Variants in FGGY observed in about 807,000 individuals in gnomAD.
FGGY encodes the protein FGGY carbohydrate kinase domain containing.
A neutral mutation model predicts 71.3 loss-of-function variants in FGGY; 72 were observed. The ratio of observed to expected loss-of-function variants is 1.01; its 90% CI spans 0.84 to 1.23. The LOEUF (loss-of-function observed/expected upper bound fraction) is 1.23, where lower values mean the gene tolerates loss of function less well. Ranked by LOEUF, FGGY falls within the 50% of genes most tolerant of loss-of-function variation. The pLI, the probability that FGGY is intolerant of heterozygous loss-of-function variation, is 0.00. For synonymous variants in FGGY, 251 were observed against 250.3 expected (o/e 1.00, Z -0.02); for missense variants, 668 against 682.3 (o/e 0.98, Z 0.23).
intron 10 of FGGY, among the ~76,000 whole-genome samples, chr1:59,634,060 T>C (rs1455285124): frequency 6.6e-6 from 1 of 152,156 alleles, no homozygotes; most frequent in Non-Finnish European, 1.5e-5. Context: ...CTCATGGTAG[T>C]ACCAGTTTCA....
intron 5 of FGGY, among the ~76,000 whole-genome samples, chr1:59,422,564 G>C (rs1487031620): frequency 6.6e-6 from 1 of 151,868 alleles, no homozygotes; most frequent in Non-Finnish European, 1.5e-5. Context: ...GTGAGGTAGT[G>C]CGTGCCTTTA....
intron 6 of FGGY, among the ~76,000 whole-genome samples, chr1:59,506,363 T>C (rs1373913332): frequency 2.0e-5 from 3 of 152,146 alleles, no homozygotes; most frequent in Non-Finnish European, 4.4e-5. Context: ...CACATGATCA[T>C]ACTAAGAATA....
intron 6 of FGGY, among the ~76,000 whole-genome samples, chr1:59,498,859 A>G (rs2094130452): frequency 1.3e-5 from 2 of 152,210 alleles, no homozygotes; most frequent in Admixed American, 6.5e-5. Context: ...CTAAATGCCA[A>G]CTTGGCAAAT....
intron 6 of FGGY, among the ~76,000 whole-genome samples, chr1:59,459,137 C>T (rs1048193501): frequency 6.6e-6 from 1 of 152,130 alleles, no homozygotes. Flanking sequence ...CTTCCTGGGC[C>T]CATGCAGTAA....
Position 59,550,787 on chromosome 1 carries a change from T to C in FGGY, c.800-3337T>C, listed in dbSNP as rs562204858. On this transcript the variant is annotated intron_variant, in intron 7 of 15. Transcript: ENST00000303721. ...ATGTTTTCATTATGTAAGACAATTA[T>C]AACATCATAAAGTGAGGAGTATAGA... 1.3e-3 allele frequency among the ~76,000 whole-genome samples: 198 copies of C among 152,334 alleles called. 2 individuals carry two copies. Among genetic ancestry groups the C allele is most frequent in the African/African-American group, 4.4e-3 (185 of 41,576 alleles).
chr1:59,372,748 G>A (rs1221991833), intron 4 of FGGY, among the ~76,000 whole-genome samples: 1 of 152,132 alleles, frequency 6.6e-6, no homozygotes, highest in Non-Finnish European at 1.5e-5. Flanking sequence ...TGTAAGGCTG[G>A]TCCAATATAC....
intron 5 of FGGY, among the ~76,000 whole-genome samples, chr1:59,402,844 T>G (rs1482543845): frequency 3.3e-5 from 5 of 152,122 alleles, no homozygotes; most frequent in Non-Finnish European, 5.9e-5. Context: ...CATAGGGTCA[T>G]GGAAAAGGCT....
intron 14 of FGGY, among the ~76,000 whole-genome samples, chr1:59,702,909 C>T (rs1354325284): frequency 1.3e-5 from 2 of 152,118 alleles, no homozygotes; most frequent in Non-Finnish European, 2.9e-5. Flanking sequence ...AAGAAGCTGT[C>T]CTAATCTGCC....
chr1:59,745,316 T>G (rs1200863582), intron 14 of FGGY, among the ~76,000 whole-genome samples: 1 of 152,192 alleles, frequency 6.6e-6, no homozygotes, highest in Admixed American at 6.5e-5. Flanking sequence ...GAGGGATAGA[T>G]GGATGGATAG....
chr1:59,618,345 C>T (rs575003289), intron 9 of FGGY, among the ~76,000 whole-genome samples: 14 of 152,178 alleles, frequency 9.2e-5, no homozygotes, highest in Admixed American at 2.6e-4. Flanking sequence ...ATTAGTTTTA[C>T]TGATGAAGAA....
rs191028528 is a variant in FGGY, at chr1:59,380,303, A to G, written c.554+1466A>G. ...CAGCATGATTTATAATCCTTTGGGT[A>G]TATACCCAGTAATGGAATGGCTGGG... On this transcript the variant is annotated intron_variant, in intron 5 of 15. Transcript: ENST00000303721. 1.0e-3 allele frequency among the ~76,000 whole-genome samples: 157 copies of G among 151,660 alleles called. 2 individuals are homozygous for G. Among genetic ancestry groups the G allele is most frequent in the African/African-American group, 3.6e-3 (147 of 40,924 alleles).
At chr1:59,695,524 T>C (rs1419379752) in intron 14 of FGGY, among the ~76,000 whole-genome samples, 1 of 152,234 alleles carries the variant, frequency 6.6e-6, no homozygotes, top group Non-Finnish European at 1.5e-5. Context: ...AATGAGTTCC[T>C]ACTCAATGAG....
At chr1:59,391,028 CA>C (rs1044832768) in intron 5 of FGGY, among the ~76,000 whole-genome samples, 9 of 152,258 alleles carry the variant, frequency 5.9e-5, no homozygotes, top group African/African-American at 2.2e-4. Context: ...ATCCTTAGTT[CA>C]AAGTTTTGCT....
intron 2 of FGGY, among the ~76,000 whole-genome samples, chr1:59,337,398 T>G (rs2049817537): frequency 6.6e-6 from 1 of 152,022 alleles, no homozygotes; most frequent in African/African-American, 2.4e-5. Context: ...TCCACCTGCT[T>G]TGTTCTAATC....
intron 4 of FGGY, among the ~76,000 whole-genome samples, chr1:59,373,871 A>T (rs1416652232): frequency 5.9e-5 from 9 of 152,252 alleles, no homozygotes; most frequent in Non-Finnish European, 1.2e-4. Context: ...CTGAAACTGG[A>T]TCCCTTCCTT....
chr1:59,593,260 T>G (rs957595969), intron 8 of FGGY, among the ~76,000 whole-genome samples: 1 of 152,230 alleles, frequency 6.6e-6, no homozygotes, highest in Non-Finnish European at 1.5e-5. Flanking sequence ...GGGTCCTCAG[T>G]GTGTTTGTGG....
At chr1:59,589,033 T>G (rs1571744497) in intron 8 of FGGY, among the ~76,000 whole-genome samples, 1 of 152,146 alleles carries the variant, frequency 6.6e-6, no homozygotes, top group African/African-American at 2.4e-5. Context: ...GTGTGCTGTA[T>G]TCAGGAAACC....
intron 8 of FGGY, among the ~76,000 whole-genome samples, chr1:59,590,895 G>C (rs1362741335): frequency 5.9e-5 from 9 of 152,072 alleles, no homozygotes; most frequent in South Asian, 2.1e-4. Flanking sequence ...GGGATGCCCT[G>C]TCTCACCACT....
At chr1:59,602,341 A>G (rs1012405105) in intron 8 of FGGY, among the ~76,000 whole-genome samples, 3 of 152,220 alleles carry the variant, frequency 2.0e-5, no homozygotes, top group Non-Finnish European at 2.9e-5. Context: ...ATGTGATAAT[A>G]TATGTGAAGA....
Sources: gnomAD v4.1 joint callset for allele counts (sites outside exome capture counted in the v4.1 genomes callset) on GRCh38, gnomAD v4.1.1 for gene constraint, MANE v1.5 for transcripts, NCBI Gene and HGNC (gene_info 2026-07-23, HGNC 2026-07-21) for gene names.